LINGO2: variants seen among roughly 807,000 people sequenced by gnomAD.
The protein encoded by LINGO2 is leucine rich repeat and Ig domain containing 2, also known as leucine-rich repeat and immunoglobulin-like domain-containing nogo receptor-interacting protein 2.
Under a neutral mutation model 30.6 loss-of-function variants are expected in LINGO2, and 14 were observed. The observed-to-expected ratio is 0.46, with a 90% CI of 0.30 to 0.72. LINGO2 has a LOEUF of 0.72. Among genes scored for constraint, LINGO2 ranks in the 30% least tolerant of loss-of-function variants. The pLI, the probability that LINGO2 is intolerant of heterozygous loss-of-function variation, is 0.07. For missense variants in LINGO2, 729 were observed against 751.7 expected (o/e 0.97, Z 0.35); for synonymous variants, 317 against 288.5 (o/e 1.10, Z -1.00).
chr9:28,010,194 T>G (rs972138859), intron 5 of LINGO2, among the ~76,000 whole-genome samples: 2 of 152,220 alleles, frequency 1.3e-5, no homozygotes, highest in East Asian at 3.8e-4. Flanking sequence ...GTGTACATCA[T>G]TGTGAATATT....
At chr9:29,076,394 A>T in the LINGO2 span, among the ~76,000 whole-genome samples, 1 of 151,676 alleles carries the variant, frequency 6.6e-6, no homozygotes, top group Admixed American at 6.6e-5. Context: ...CATAATTTTG[A>T]TAGGAATAAA....
chr9:29,136,555 C>T, the LINGO2 span, among the ~76,000 whole-genome samples: 1 of 152,118 alleles, frequency 6.6e-6, no homozygotes, highest in Non-Finnish European at 1.5e-5. Context: ...TACTTTTCCT[C>T]TTAAAATATT....
intron 1 of LINGO2, among the ~76,000 whole-genome samples, chr9:28,597,028 T>C (rs1331838926): frequency 1.3e-5 from 2 of 152,162 alleles, no homozygotes; most frequent in African/African-American, 4.8e-5. Context: ...CAATTCTTTA[T>C]AATTAGTAAC....
At chr9:28,592,285 C>G (rs1824950738) in intron 1 of LINGO2, among the ~76,000 whole-genome samples, 1 of 152,066 alleles carries the variant, frequency 6.6e-6, no homozygotes, top group South Asian at 2.1e-4. Context: ...AGAACCTCCT[C>G]AGATTTTAAA....
At chr9:28,181,081 G>A (rs913300870) in intron 4 of LINGO2, among the ~76,000 whole-genome samples, 2 of 152,060 alleles carry the variant, frequency 1.3e-5, no homozygotes, top group South Asian at 2.1e-4. Context: ...TAGATGCCAG[G>A]GTAAGCTGTT....
chr9:28,714,916 T>C, the LINGO2 span, among the ~76,000 whole-genome samples: 16 of 152,306 alleles, frequency 1.1e-4, no homozygotes, highest in Non-Finnish European at 1.9e-4. Context: ...AAGCAGTTTT[T>C]AGATGAACAA....
chr9:28,579,069 T>TG (rs1554640664), intron 1 of LINGO2, among the ~76,000 whole-genome samples: 1 of 151,570 alleles, frequency 6.6e-6, no homozygotes, highest in African/African-American at 2.4e-5. Context: ...CTCTTTTTTT[T>TG]TTGTTTCTAC....
At chr9:28,342,711 G>T (rs1048411913) in intron 3 of LINGO2, among the ~76,000 whole-genome samples, 1 of 152,006 alleles carries the variant, frequency 6.6e-6, no homozygotes, top group African/African-American at 2.4e-5. Flanking sequence ...TTCTCCTAGA[G>T]GAGTAAAAAA....
At chr9:28,429,784 C>A (rs933892415) in intron 2 of LINGO2, among the ~76,000 whole-genome samples, 1 of 152,114 alleles carries the variant, frequency 6.6e-6, no homozygotes, top group East Asian at 1.9e-4. Flanking sequence ...AAAGATGTAG[C>A]CCCTGGTGTT....
At chr9:28,856,584 T>C in the LINGO2 span, among the ~76,000 whole-genome samples, 2 of 151,990 alleles carry the variant, frequency 1.3e-5, no homozygotes, top group African/African-American at 2.4e-5. Flanking sequence ...AATTAACTTC[T>C]GCAAATGTCC....
intron 3 of LINGO2, among the ~76,000 whole-genome samples, chr9:28,337,386 G>A (rs931095150): frequency 6.6e-6 from 1 of 152,162 alleles, no homozygotes; most frequent in Non-Finnish European, 1.5e-5. Context: ...GGGCATGAAA[G>A]TTTGGAAAAT....
In LINGO2 at chr9:28,313,864, G is replaced by C. The variant is rs546371704; in HGVS notation, c.-245-18498C>G. 1.2e-4 allele frequency among the ~76,000 whole-genome samples: 19 copies of C among 152,180 alleles called. No individual in the cohort carries two copies. In the South Asian group the frequency reaches 3.9e-3, roughly 32 times the overall value. Reference sequence around the variant, plus strand: ...CTCTGAAGGGTTCTTATTTGAAGAGGGCCTTTAAATGTTCATAGACTTAGT... The same window carrying C: ...CTCTGAAGGGTTCTTATTTGAAGAGCGCCTTTAAATGTTCATAGACTTAGT... On this transcript the variant is annotated intron_variant, in intron 3 of 5. Coordinates refer to ENST00000379992, the Ensembl canonical transcript of LINGO2.
intron 4 of LINGO2, among the ~76,000 whole-genome samples, chr9:28,286,549 G>T (rs1457367708): frequency 6.6e-6 from 1 of 152,032 alleles, no homozygotes; most frequent in Non-Finnish European, 1.5e-5. Flanking sequence ...GCAAACACAT[G>T]GAATCAATCT....
intron 3 of LINGO2, among the ~76,000 whole-genome samples, chr9:28,317,844 G>A (rs529969545): frequency 1.3e-5 from 2 of 152,148 alleles, no homozygotes; most frequent in Admixed American, 6.5e-5. Flanking sequence ...CTGCCACACA[G>A]GGTATGGGCC....
At chr9:28,816,190 A>T in the LINGO2 span, among the ~76,000 whole-genome samples, 1 of 152,190 alleles carries the variant, frequency 6.6e-6, no homozygotes, top group African/African-American at 2.4e-5. Context: ...CACCTTTTTA[A>T]AGTCCCACCT....
rs1243765486 is a variant in LINGO2, at chr9:28,117,454, C to G, written c.-86-105049G>C. ...TGGGCTCCACCCAGTTCGAGCTTCC[C>G]GGCTGCTTTGTTTACCTAAGCAAGC... On this transcript the variant is annotated intron_variant, in intron 4 of 5. Transcript: ENST00000379992. Among the ~76,000 whole-genome samples, 4 of 101,984 alleles carry G rather than the reference C, an allele frequency of 3.9e-5. No individual in the cohort carries two copies. In the South Asian group the frequency reaches 1.2e-3, roughly 31 times the overall value. The allele number at this position is 101,984 out of a possible 152,430, so 66.9% of individuals were successfully genotyped here. A position where few individuals can be genotyped will look rare whatever the true frequency, so the allele number is the denominator to read the frequency against.
intron 1 of LINGO2, among the ~76,000 whole-genome samples, chr9:28,536,945 G>A (rs1345329703): frequency 6.6e-6 from 1 of 152,022 alleles, no homozygotes. Flanking sequence ...AAATAGGATT[G>A]TTGCAGATGC....
At chr9:28,496,147 G>A (rs1819617271) in intron 1 of LINGO2, among the ~76,000 whole-genome samples, 1 of 152,036 alleles carries the variant, frequency 6.6e-6, no homozygotes, top group Non-Finnish European at 1.5e-5. Flanking sequence ...TTGATTTGGG[G>A]TGGAGAGTTC....
At chr9:28,206,106 A>C (rs1366893581) in intron 4 of LINGO2, among the ~76,000 whole-genome samples, 1 of 144,748 alleles carries the variant, frequency 6.9e-6, no homozygotes, top group African/African-American at 2.6e-5. Flanking sequence ...TGGAGGTTGC[A>C]GTAAGCTGAG....
Sources: gnomAD v4.1 joint callset for allele counts (sites outside exome capture counted in the v4.1 genomes callset) on GRCh38, gnomAD v4.1.1 for gene constraint, MANE v1.5 for transcripts, NCBI Gene and HGNC (gene_info 2026-07-23, HGNC 2026-07-21) for gene names.